Variants in TMPRSS9 observed in about 807,000 individuals in gnomAD.
The protein encoded by TMPRSS9 is transmembrane protease serine 9.
Under a neutral mutation model 111.4 loss-of-function variants are expected in TMPRSS9, and 113 were observed. The observed-to-expected ratio is 1.01, with a 90% CI of 0.87 to 1.19. The LOEUF (loss-of-function observed/expected upper bound fraction) is 1.19. Ranked by LOEUF, TMPRSS9 falls within the 50% of genes most tolerant of loss-of-function variation. The probability of loss-of-function intolerance (pLI) is 0.00; values close to 1 mark genes in which losing one functional copy is unlikely to be tolerated. For missense variants in TMPRSS9, 1,803 were observed against 1,513.1 expected (o/e 1.19, Z -3.18); for synonymous variants, 805 against 659.1 (o/e 1.22, Z -3.39).
intron 1 of TMPRSS9, among the ~76,000 whole-genome samples, chr19:2,374,095 C>T (rs4807246): frequency 0.29 from 43,507 of 151,710 alleles, 6,466 homozygotes; most frequent in Admixed American, 0.39. Context: ...ATAACATTTT[C>T]CCGAGCTACA....
At chr19:2,366,624 G>A (rs960299658) in intron 1 of TMPRSS9, among the ~76,000 whole-genome samples, 1 of 151,380 alleles carries the variant, frequency 6.6e-6, no homozygotes, top group Admixed American at 6.6e-5. Flanking sequence ...TTGGGAGGCT[G>A]AGGAGGGCAG....
Position 2,416,797 on chromosome 19 carries a change from C to T in TMPRSS9, c.2005C>T (p.Gln669Ter). Residue 669 changes from glutamine to a stop codon, truncating the protein, a stop_gained, in exon 12 of 18, where the codon CAG becomes TAG. Coordinates refer to ENST00000648592, the Ensembl canonical transcript of TMPRSS9. LOFTEE classifies it high-confidence loss of function. ...CATGATCTCCGGATGGGGAAATACG[C>T]AGGAAGGAAATGGTGAGCGCTGCCC... 3 of 1,609,474 alleles carry T rather than the reference C, an allele frequency of 1.9e-6. No individual in the cohort carries two copies. Among genetic ancestry groups the T allele is most frequent in the Non-Finnish European group, 2.5e-6 (3 of 1,178,972 alleles).
chr19:2,414,552 T>C (rs1269627715), intron 10 of TMPRSS9, among the ~76,000 whole-genome samples: 1 of 151,948 alleles, frequency 6.6e-6, no homozygotes, highest in East Asian at 2.0e-4. Context: ...ATACTTTCTA[T>C]TGTATTTTCA....
chr19:2,371,115 C>A (rs1227598401), intron 1 of TMPRSS9, among the ~76,000 whole-genome samples: 2 of 152,208 alleles, frequency 1.3e-5, no homozygotes, highest in Non-Finnish European at 2.9e-5. Context: ...CCACAGCTCA[C>A]TCCTGTTTGA....
upstream of TMPRSS9, among the ~76,000 whole-genome samples, chr19:2,385,545 C>T (rs1031805765): frequency 6.6e-6 from 1 of 152,022 alleles, no homozygotes; most frequent in African/African-American, 2.4e-5. Flanking sequence ...GGAGAACACC[C>T]GGAACAGGGA....
intron 9 of TMPRSS9, among the ~76,000 whole-genome samples, chr19:2,411,598 C>G (rs1389795221): frequency 2.0e-5 from 3 of 152,030 alleles, no homozygotes; most frequent in Non-Finnish European, 4.4e-5. Flanking sequence ...CTGTCTCGCT[C>G]TGTCACCCAG....
At chr19:2,401,210 C>T in intron 4 of TMPRSS9, among the ~76,000 whole-genome samples, 1 of 151,864 alleles carries the variant, frequency 6.6e-6, no homozygotes, top group Non-Finnish European at 1.5e-5. Flanking sequence ...GGAGGCGGAG[C>T]TTGAAGTGAG....
At position 2,368,444 on chromosome 19, in the gene TMPRSS9, T is replaced by C. The variant is rs191074802; in HGVS notation, c.-26+8084T>C. On this transcript the variant is annotated intron_variant, in intron 1 of 17. Transcript: ENST00000649857. ...GAGGCTGGACCATGCTGTGCATGTTTGGGGATCGGCGAGGAGGCCAGTGAA... is the reference window on the plus strand; with the variant it reads ...GAGGCTGGACCATGCTGTGCATGTTCGGGGATCGGCGAGGAGGCCAGTGAA... Among the ~76,000 whole-genome samples the C allele has an allele frequency of 5.2e-3, 797 of 152,082 alleles. 4 individuals carry two copies. The highest frequency in any genetic ancestry group is 0.014 in the Middle Eastern group (4 of 292).
intron 1 of TMPRSS9, 137 bp from the exon 3 acceptor site, chr19:2,396,402 C>A (rs751428634): frequency 4.9e-6 from 5 of 1,019,904 alleles, no homozygotes; most frequent in Non-Finnish European, 6.8e-6. Flanking sequence ...ATCACGGGGG[C>A]GTCGACCACC....
At chr19:2,364,635 G>A (rs1207819075) in intron 1 of TMPRSS9, among the ~76,000 whole-genome samples, 2 of 151,944 alleles carry the variant, frequency 1.3e-5, no homozygotes, top group Non-Finnish European at 2.9e-5. Flanking sequence ...GAGAGTCCCC[G>A]CACACCCACC....
At chr19:2,384,002 C>A (rs550232433) in intron 1 of TMPRSS9, among the ~76,000 whole-genome samples, 22 of 152,140 alleles carry the variant, frequency 1.4e-4, no homozygotes, top group African/African-American at 5.3e-4. Flanking sequence ...TGTTCTGTAT[C>A]TTATCTGCCC....
At chr19:2,392,420 C>T (rs1289467880) in intron 1 of TMPRSS9, among the ~76,000 whole-genome samples, 1 of 151,444 alleles carries the variant, frequency 6.6e-6, no homozygotes, top group Non-Finnish European at 1.5e-5. Context: ...GAAAAAAGGA[C>T]ATGATGCCAG....
At chr19:2,382,707 AAGC>A in intron 1 of TMPRSS9, among the ~76,000 whole-genome samples, 2 of 151,658 alleles carry the variant, frequency 1.3e-5, no homozygotes, top group Middle Eastern at 6.8e-3. Context: ...GCACACACAA[AAGC>A]ACACATGCAC....
intron 1 of TMPRSS9, among the ~76,000 whole-genome samples, chr19:2,361,551 G>A (rs1202473705): frequency 6.6e-6 from 1 of 152,128 alleles, no homozygotes; most frequent in Non-Finnish European, 1.5e-5. Flanking sequence ...GCCTGAGGGA[G>A]GGTCCTCCTG....
chr19:2,366,984 A>G lies in TMPRSS9; in HGVS notation c.-26+6624A>G, dbSNP rs147639896. On this transcript the variant is annotated intron_variant, in intron 1 of 17. Coordinates refer to the TMPRSS9 transcript ENST00000649857. ...TGGTGGGAGGCCTCAGTTCCTCACCACATGGGAATCACCATAGTGCTGCTC... is the reference window on the plus strand; with the variant it reads ...TGGTGGGAGGCCTCAGTTCCTCACCGCATGGGAATCACCATAGTGCTGCTC... Among the ~76,000 whole-genome samples, 511 of 152,192 alleles carry G rather than the reference A, an allele frequency of 3.4e-3. 3 individuals are homozygous for G. The highest frequency in any genetic ancestry group is 0.012 in the African/African-American group (480 of 41,544).
exon 13 of TMPRSS9, chr19:2,418,131 C>A (rs745997853): frequency 6.2e-7 from 1 of 1,611,786 alleles, no homozygotes; most frequent in Non-Finnish European, 8.5e-7. Flanking sequence ...AAAGTCGACT[C>A]CTGCCAGGTA....
At chr19:2,404,399 T>G (rs1432361229) in intron 6 of TMPRSS9, among the ~76,000 whole-genome samples, 2 of 151,798 alleles carry the variant, frequency 1.3e-5, no homozygotes, top group African/African-American at 4.8e-5. Flanking sequence ...GAATAAAGGC[T>G]GGGTGCAGTG....
At chr19:2,366,436 A>AT (rs1480060978) in intron 1 of TMPRSS9, among the ~76,000 whole-genome samples, 1 of 152,178 alleles carries the variant, frequency 6.6e-6, no homozygotes, top group Non-Finnish European at 1.5e-5. Context: ...TGCATAACAA[A>AT]TGTCTCTCAA....
chr19:2,391,501 GTATT>G (rs1370364995), intron 1 of TMPRSS9, among the ~76,000 whole-genome samples: 3 of 151,628 alleles, frequency 2.0e-5, no homozygotes, highest in Non-Finnish European at 4.4e-5. Flanking sequence ...TCGTGTGAGT[GTATT>G]TGTGTGTTCA....
Sources: gnomAD v4.1 joint callset for allele counts (sites outside exome capture counted in the v4.1 genomes callset) on GRCh38, gnomAD v4.1.1 for gene constraint, MANE v1.5 for transcripts, NCBI Gene and HGNC (gene_info 2026-07-23, HGNC 2026-07-21) for gene names.